SORCS3: variants seen among roughly 807,000 people sequenced by gnomAD.
SORCS3 encodes VPS10 domain-containing receptor SorCS3.
In SORCS3, 57 loss-of-function variants were observed where a neutral mutation model predicts 146.3. The observed-to-expected ratio is 0.39, with a 90% confidence interval of 0.31 to 0.49. The LOEUF is 0.49. Among genes scored for constraint, SORCS3 ranks in the 20% least tolerant of loss-of-function variants. The probability of loss-of-function intolerance (pLI) is 0.92; values close to 1 mark genes in which losing one functional copy is unlikely to be tolerated. For synonymous variants in SORCS3, 653 were observed against 618.5 expected, an observed-to-expected ratio of 1.06 and a Z score of -0.83; for missense variants, 1,341 against 1,575.5, an observed-to-expected ratio of 0.85 and a Z score of 2.52.
At chr10:104,857,285 C>T (rs893311268) in intron 2 of SORCS3, among the ~76,000 whole-genome samples, 1 of 151,880 alleles carries the variant, frequency 6.6e-6, no homozygotes, top group South Asian at 2.1e-4. Context: ...CCAGACTGAG[C>T]AGTTTGAAAT....
rs2056865529 is a variant in SORCS3 at position 105,246,250 on chromosome 10, C to A, written c.2992+585C>A. 1.3e-5 allele frequency among the ~76,000 whole-genome samples: 2 copies of A among 152,206 alleles called. 1 individual carries two copies. The highest frequency in any genetic ancestry group is 4.8e-5 in the African/African-American group (2 of 41,448). On this transcript the variant is annotated intron_variant, in intron 21 of 26. Coordinates refer to ENST00000369701, the MANE Select transcript of SORCS3 (RefSeq NM_014978.3). ...AAGTTTATTACAAATGAAAGTGCCT[C>A]TACTGCCATTTCACACAACCTCTCC...
At chr10:105,001,846 C>T (rs1167193896) in intron 4 of SORCS3, among the ~76,000 whole-genome samples, 3 of 152,172 alleles carry the variant, frequency 2.0e-5, no homozygotes, top group Non-Finnish European at 4.4e-5. Context: ...AAGGACACAA[C>T]TGTTCCCATT....
intron 1 of SORCS3, among the ~76,000 whole-genome samples, chr10:104,748,437 C>A (rs911401826): frequency 6.6e-6 from 1 of 152,040 alleles, no homozygotes; most frequent in Non-Finnish European, 1.5e-5. Context: ...CAATGGGAAC[C>A]GTCTGGAATC....
At chr10:104,900,069 T>A (rs1356094324) in intron 2 of SORCS3, among the ~76,000 whole-genome samples, 2 of 152,200 alleles carry the variant, frequency 1.3e-5, no homozygotes, top group African/African-American at 4.8e-5. Flanking sequence ...TTGCTTCCCT[T>A]TCTCCCATTA....
chr10:104,864,117 T>C (rs1026094548), intron 2 of SORCS3, among the ~76,000 whole-genome samples: 1 of 152,252 alleles, frequency 6.6e-6, no homozygotes, highest in Non-Finnish European at 1.5e-5. Flanking sequence ...GGCAAGACAT[T>C]TAGAAAGTGT....
chr10:105,059,811 G>A (rs950848690), intron 5 of SORCS3, among the ~76,000 whole-genome samples: 7 of 152,166 alleles, frequency 4.6e-5, no homozygotes, highest in African/African-American at 1.2e-4. Context: ...CGAACCCACA[G>A]AGCAACCTGA....
At chr10:104,698,266 A>G (rs1009959244) in intron 1 of SORCS3, among the ~76,000 whole-genome samples, 8 of 152,142 alleles carry the variant, frequency 5.3e-5, no homozygotes, top group African/African-American at 1.9e-4. Flanking sequence ...ACAGAGTCAC[A>G]TGGGCCCTGA....
At position 105,255,802 on chromosome 10, in the gene SORCS3, G is replaced by T; in HGVS notation, c.3337+1G>T. ...GTGTATGTCACACAGCTGACGTTAGGTGAGTGCCACTGGGAACTGGGGAAA... is the reference window on the plus strand; with the variant it reads ...GTGTATGTCACACAGCTGACGTTAGTTGAGTGCCACTGGGAACTGGGGAAA... On this transcript the variant is annotated splice_donor_variant, in intron 24 of 26. Transcript: ENST00000369701. LOFTEE classifies it high-confidence loss of function. 6.2e-7 allele frequency: 1 copy of T among 1,609,638 alleles called. No individual in the cohort carries two copies. The highest frequency in any genetic ancestry group is 8.5e-7 in the Non-Finnish European group (1 of 1,176,624).
chr10:105,089,550 T>C (rs561078333), intron 5 of SORCS3, among the ~76,000 whole-genome samples: 36 of 152,358 alleles, frequency 2.4e-4, no homozygotes, highest in Non-Finnish European at 7.3e-5. Context: ...CGTTGACTTA[T>C]TGACCATTCA....
chr10:104,949,320 G>C (rs2019404935), intron 3 of SORCS3, among the ~76,000 whole-genome samples: 1 of 152,200 alleles, frequency 6.6e-6, no homozygotes. Flanking sequence ...CATGGGGAAA[G>C]AGAAATAGTT....
chr10:104,775,329 G>A (rs779578592), intron 1 of SORCS3, among the ~76,000 whole-genome samples: 7 of 152,218 alleles, frequency 4.6e-5, no homozygotes, highest in Admixed American at 6.5e-5. Context: ...AGTGTTTGAA[G>A]CAAGTAAGTG....
In SORCS3 at chr10:104,905,760, A is replaced by C. The variant is rs180908781; in HGVS notation, c.696-10073A>C. On this transcript the variant is annotated intron_variant, in intron 2 of 26. Coordinates refer to ENST00000369701, the MANE Select transcript of SORCS3 (RefSeq NM_014978.3). ...TCTGAGAGTGACAAAGATGCTGAGC[A>C]CTGGGAAAGCAGAGGCAGGTGAGAT... 8.4e-3 allele frequency among the ~76,000 whole-genome samples: 1,282 copies of C among 152,314 alleles called. 11 individuals carry two copies. Among genetic ancestry groups the C allele is most frequent in the Admixed American group, 0.015 (226 of 15,296 alleles).
intron 10 of SORCS3, 44 bp from the exon 11 acceptor site, chr10:105,158,848 G>A: frequency 1.3e-6 from 2 of 1,487,742 alleles, no homozygotes; most frequent in Middle Eastern, 2.0e-4. Context: ...GGGTACAGGT[G>A]TCTGGAATTT....
At chr10:104,995,688 C>T (rs2055022919) in intron 4 of SORCS3, among the ~76,000 whole-genome samples, 2 of 152,048 alleles carry the variant, frequency 1.3e-5, no homozygotes, top group South Asian at 2.1e-4. Flanking sequence ...ATTTACGGTG[C>T]TTTCTCCCAT....
chr10:104,842,679 C>T (rs1006226098), intron 1 of SORCS3, 113 bp from the exon 2 acceptor site: 1 of 770,534 alleles, frequency 1.3e-6, no homozygotes, highest in African/African-American at 1.7e-5. Flanking sequence ...AAATACTAAG[C>T]CCTCCTCTGG....
intron 1 of SORCS3, among the ~76,000 whole-genome samples, chr10:104,714,171 G>C (rs1440901795): frequency 1.3e-5 from 2 of 151,702 alleles, no homozygotes; most frequent in African/African-American, 4.8e-5. Flanking sequence ...TGAGATATTT[G>C]TCATTTTTAT....
rs139203300 is a variant in SORCS3 at position 105,176,068 on chromosome 10, G to T, written c.1902-1998G>T. Among the ~76,000 whole-genome samples the T allele has an allele frequency of 1.2e-3, 179 of 152,268 alleles. 1 individual carries two copies. The highest frequency in any genetic ancestry group is 2.6e-3 in the Admixed American group (40 of 15,292). On this transcript the variant is annotated intron_variant, in intron 13 of 26. Coordinates refer to ENST00000369701, the MANE Select transcript of SORCS3 (RefSeq NM_014978.3). ...GGGTGGTAATTCACACCCAACTTAT[G>T]AGTGCCAGTATAAGTCATGCTTGAG... is the stretch of plus-strand genomic sequence containing the variant.
chr10:104,903,283 G>A (rs2018871293), intron 2 of SORCS3, among the ~76,000 whole-genome samples: 1 of 152,184 alleles, frequency 6.6e-6, no homozygotes. Context: ...CAGTGATTTA[G>A]GGTGACAGTC....
chr10:104,886,584 A>G (rs1160480439), intron 2 of SORCS3, among the ~76,000 whole-genome samples: 1 of 151,854 alleles, frequency 6.6e-6, no homozygotes, highest in Non-Finnish European at 1.5e-5. Flanking sequence ...CTATCTATCT[A>G]TCTATCTATC....
Sources: allele counts gnomAD v4.1 joint callset (sites outside exome capture counted in the v4.1 genomes callset), GRCh38; gene constraint gnomAD v4.1.1; transcripts MANE v1.5; gene names NCBI Gene and HGNC (gene_info 2026-07-23, HGNC 2026-07-21).